SATB1: variants seen among roughly 807,000 people sequenced by gnomAD.
The protein encoded by SATB1 is SATB homeobox 1, also known as DNA-binding protein SATB1.
Under a neutral mutation model 86.9 loss-of-function variants are expected in SATB1, and 11 were observed. The ratio of observed to expected loss-of-function variants is 0.13; its 90% confidence interval spans 0.08 to 0.21. The LOEUF is 0.21. Among genes scored for constraint, SATB1 ranks in the 10% least tolerant of loss-of-function variants. SATB1 has a pLI of 1.00. For missense variants in SATB1, 551 were observed against 937.6 expected (o/e 0.59, Z 5.39); for synonymous variants, 357 against 357.2 (o/e 1.00, Z 0.01).
chr3:18,373,943 T>C (rs1695602377), intron 9 of SATB1, among the ~76,000 whole-genome samples: 2 of 152,202 alleles, frequency 1.3e-5, no homozygotes, highest in African/African-American at 2.4e-5. Flanking sequence ...AAAAGTATGT[T>C]AGTCAAACAG....
chr3:18,391,216 G>A (rs1446804418), intron 7 of SATB1, among the ~76,000 whole-genome samples: 2 of 152,016 alleles, frequency 1.3e-5, no homozygotes, highest in Non-Finnish European at 2.9e-5. Flanking sequence ...TAAAACCTAA[G>A]ACCCAGGGTT....
chr3:18,426,033 G>A (rs1407136168), upstream of SATB1, among the ~76,000 whole-genome samples: 1 of 152,198 alleles, frequency 6.6e-6, no homozygotes, highest in Non-Finnish European at 1.5e-5. The surrounding 1 kb of genome is among the most constrained non-coding windows in gnomAD (Gnocchi z 4.2). Flanking sequence ...GGGTACGCAG[G>A]TGACAGGCGC....
chr3:18,445,223 C>T, intron 1 of SATB1: 1 of 981,404 alleles, frequency 1.0e-6, no homozygotes. Context: ...CTCCCCCTGG[C>T]GGTGGGAGCC....
intron 2 of SATB1, among the ~76,000 whole-genome samples, chr3:18,433,246 G>A (rs1282973602): frequency 6.6e-6 from 1 of 152,118 alleles, no homozygotes; most frequent in African/African-American, 2.4e-5. Context: ...GCATGAAATA[G>A]ATTTTCTCTG....
At chr3:18,395,073 T>C (rs540902639) in intron 6 of SATB1, among the ~76,000 whole-genome samples, 157 bp from the exon 7 acceptor site, 5 of 152,290 alleles carry the variant, frequency 3.3e-5, no homozygotes, top group African/African-American at 9.6e-5. Flanking sequence ...CCAGGCTGTG[T>C]TTTTGCTCTC....
chr3:18,407,061 A>T (rs1697574624), intron 5 of SATB1, among the ~76,000 whole-genome samples: 1 of 152,072 alleles, frequency 6.6e-6, no homozygotes, highest in Non-Finnish European at 1.5e-5. Flanking sequence ...AAATGCTACG[A>T]TGGGCACATA....
At position 18,349,640 on chromosome 3, in the gene SATB1, CCTGCTG is replaced by C. The variant is rs759934751; in HGVS notation, c.1816_1821del (p.Gln606_Gln607del). On this transcript the variant is annotated inframe_deletion, in exon 11 of 11. Transcript: ENST00000338745. The surrounding 1 kb of genome is among the most constrained non-coding windows in gnomAD (Gnocchi z 5.5). ...TGCTGTGGCTGTGGAGGCGGCGGTG[CCTGCTG>C]CTGCTGCTGCTGCTGTTGCTGTTGC... 5 of 1,609,552 alleles carry C rather than the reference CCTGCTG, an allele frequency of 3.1e-6. No homozygotes were observed. Among genetic ancestry groups the C allele is most frequent in the South Asian group, 1.1e-5 (1 of 90,698 alleles).
At chr3:18,362,483 G>A (rs978754359) in intron 9 of SATB1, among the ~76,000 whole-genome samples, 1 of 151,912 alleles carries the variant, frequency 6.6e-6, no homozygotes, top group Non-Finnish European at 1.5e-5. Context: ...ATACACCTCT[G>A]CAATTTCTGA....
intron 8 of SATB1, among the ~76,000 whole-genome samples, chr3:18,385,176 A>G (rs1371607216): frequency 6.6e-6 from 1 of 152,182 alleles, no homozygotes; most frequent in African/African-American, 2.4e-5. Flanking sequence ...ACCACTTTCT[A>G]CCATTGATGA....
intron 7 of SATB1, among the ~76,000 whole-genome samples, chr3:18,389,772 T>G (rs1445476668): frequency 6.6e-6 from 1 of 152,152 alleles, no homozygotes; most frequent in Non-Finnish European, 1.5e-5. Context: ...ACAAAATCAT[T>G]AGTCATTCTT....
chr3:18,385,415 G>A (rs1387867236), intron 8 of SATB1, among the ~76,000 whole-genome samples: 1 of 152,106 alleles, frequency 6.6e-6, no homozygotes, highest in Non-Finnish European at 1.5e-5. Context: ...GAGGTCAGGA[G>A]ATGGAGACCA....
At chr3:18,351,850 T>A in intron 10 of SATB1, 142 bp downstream of exon 10, 1 of 731,156 alleles carries the variant, frequency 1.4e-6, no homozygotes, top group Non-Finnish European at 2.3e-6. Context: ...TTTATCCCCC[T>A]GAGCAAGATG....
chr3:18,428,840 C>A (rs904015245), upstream of SATB1, among the ~76,000 whole-genome samples: 1 of 152,096 alleles, frequency 6.6e-6, no homozygotes, highest in Non-Finnish European at 1.5e-5. Flanking sequence ...GGCAGATATC[C>A]GAACGCATTA....
At chr3:18,381,220 T>C (rs1017214186) in intron 8 of SATB1, among the ~76,000 whole-genome samples, 3 of 152,246 alleles carry the variant, frequency 2.0e-5, no homozygotes, top group Admixed American at 6.5e-5. Context: ...CATGGATTGC[T>C]GTATGCATTG....
chr3:18,414,550 G>A (rs1698022463), intron 5 of SATB1, among the ~76,000 whole-genome samples: 1 of 151,818 alleles, frequency 6.6e-6, no homozygotes, highest in Non-Finnish European at 1.5e-5. Flanking sequence ...GTAAACCAAA[G>A]CCACAAAACT....
chr3:18,429,777 T>C (rs192973892), upstream of SATB1, among the ~76,000 whole-genome samples: 1 of 152,038 alleles, frequency 6.6e-6, no homozygotes, highest in Non-Finnish European at 1.5e-5. The surrounding 1 kb of genome is among the most constrained non-coding windows in gnomAD (Gnocchi z 4.1). Context: ...ACAGTCTTAA[T>C]TAATTAACAA....
At chr3:18,372,141 G>A (rs181952919) in intron 9 of SATB1, among the ~76,000 whole-genome samples, 17 of 152,300 alleles carry the variant, frequency 1.1e-4, no homozygotes, top group Admixed American at 9.8e-4. Context: ...TGGCATAGCC[G>A]TGCTTCAGAA....
upstream of SATB1, among the ~76,000 whole-genome samples, chr3:18,441,659 T>C (rs1404079050): frequency 6.6e-6 from 1 of 152,172 alleles, no homozygotes; most frequent in African/African-American, 2.4e-5. Flanking sequence ...GAGTCCCTGC[T>C]GTATATCCAT....
intron 5 of SATB1, among the ~76,000 whole-genome samples, chr3:18,402,719 G>T (rs1057202287): frequency 2.0e-5 from 3 of 152,030 alleles, no homozygotes; most frequent in African/African-American, 7.2e-5. Context: ...AAAAAAACAG[G>T]ACTGTGATAT....
Sources: allele counts gnomAD v4.1 joint callset (sites outside exome capture counted in the v4.1 genomes callset), GRCh38; gene constraint gnomAD v4.1.1; non-coding constraint Gnocchi (gnomAD v3.1); transcripts MANE v1.5; gene names NCBI Gene and HGNC (gene_info 2026-07-23, HGNC 2026-07-21).